MTREX: variants seen among roughly 807,000 people sequenced by gnomAD.
The protein encoded by MTREX is Mtr4 exosome RNA helicase, also known as exosome RNA helicase MTR4.
MTREX carries 76 observed loss-of-function variants against 135.4 expected under a neutral mutation model. That is an observed-to-expected ratio of 0.56 (90% CI 0.47 to 0.68). The LOEUF is 0.68. Ranked by LOEUF, MTREX falls within the 30% of genes least tolerant of loss-of-function variation. The pLI is 0.00. For missense variants in MTREX, 920 were observed against 1,262.1 expected (o/e 0.73, Z 4.11); for synonymous variants, 404 against 401.6 (o/e 1.01, Z -0.07).
intron 25 of MTREX, among the ~76,000 whole-genome samples, chr5:55,417,235 A>T (rs1750979395): frequency 6.6e-6 from 1 of 152,196 alleles, no homozygotes; most frequent in Non-Finnish European, 1.5e-5. Context: ...TTACTGGGAA[A>T]GTCATTGCCC....
chr5:55,309,508 GAA>G (rs1285103304), intron 1 of MTREX, among the ~76,000 whole-genome samples: 2 of 151,970 alleles, frequency 1.3e-5, no homozygotes, highest in Non-Finnish European at 2.9e-5. Flanking sequence ...ACATGTTAAG[GAA>G]AAAATGGACA....
chr5:55,397,800 G>T (rs230797), intron 20 of MTREX, among the ~76,000 whole-genome samples: 130,879 of 152,248 alleles, frequency 0.86, 56,653 homozygotes, highest in South Asian at 0.92. Context: ...GCTATAGACT[G>T]TATTACAAGT....
At chr5:55,382,270 A>G (rs1194976214) in intron 18 of MTREX, among the ~76,000 whole-genome samples, 1 of 151,818 alleles carries the variant, frequency 6.6e-6, no homozygotes, top group Non-Finnish European at 1.5e-5. Flanking sequence ...ATTTTTTCTA[A>G]TGTGGCATTT....
chr5:55,418,233 C>CA (rs11446735), intron 25 of MTREX, among the ~76,000 whole-genome samples: 106,009 of 124,418 alleles, frequency 0.85, 44,948 homozygotes, highest in South Asian at 0.9. Flanking sequence ...GACACCATCT[C>CA]AAAAAAAAAA....
At chr5:55,310,729 A>G (rs562144119) in intron 1 of MTREX, among the ~76,000 whole-genome samples, 1 of 152,320 alleles carries the variant, frequency 6.6e-6, no homozygotes, top group South Asian at 2.1e-4. Context: ...CTTCAGAGGA[A>G]CTTGCCCTTT....
chr5:55,414,674 A>T (rs1301730197), intron 24 of MTREX, among the ~76,000 whole-genome samples: 2 of 152,134 alleles, frequency 1.3e-5, no homozygotes, highest in Admixed American at 1.3e-4. Context: ...TTTGAGACAG[A>T]GTCTCGCTCT....
chr5:55,374,952 C>T (rs1393517253), intron 16 of MTREX, among the ~76,000 whole-genome samples: 1 of 152,094 alleles, frequency 6.6e-6, no homozygotes, highest in Non-Finnish European at 1.5e-5. Context: ...TAAAGCCGGG[C>T]GTCCAGGGGA....
intron 16 of MTREX, among the ~76,000 whole-genome samples, chr5:55,378,027 T>C (rs1265987725): frequency 6.6e-6 from 1 of 151,208 alleles, no homozygotes; most frequent in East Asian, 1.9e-4. Context: ...AATGGGCAGA[T>C]CTTGCTGGGT....
intron 15 of MTREX, among the ~76,000 whole-genome samples, chr5:55,359,552 G>A (rs1378479520): frequency 1.3e-5 from 2 of 151,192 alleles, no homozygotes; most frequent in African/African-American, 4.9e-5. Flanking sequence ...ATCTTTATAT[G>A]TCTTTACATG....
At chr5:55,390,988 A>G (rs1462304898) in intron 19 of MTREX, among the ~76,000 whole-genome samples, 2 of 151,952 alleles carry the variant, frequency 1.3e-5, no homozygotes, top group African/African-American at 2.4e-5. Context: ...TCCTCAGGAT[A>G]TTTTCTATTA....
At chr5:55,329,635 A>G (rs984600021) in intron 5 of MTREX, among the ~76,000 whole-genome samples, 1 of 152,146 alleles carries the variant, frequency 6.6e-6, no homozygotes, top group Non-Finnish European at 1.5e-5. Context: ...TGTATGTCTG[A>G]AAATCTTTTA....
chr5:55,322,547 A>G, intron 2 of MTREX, 83 bp downstream of exon 2: 1 of 988,668 alleles, frequency 1.0e-6, no homozygotes, highest in Non-Finnish European at 1.5e-6. Flanking sequence ...CCATGTTGCT[A>G]CTTAGATATA....
At position 55,346,961 on chromosome 5, in the gene MTREX, A is replaced by T. The variant is rs1749749399; in HGVS notation, c.1109-52A>T. On this transcript the variant is annotated intron_variant, in intron 10 of 26. Transcript: ENST00000230640. ...TTATAGTTTTAGCTTTTAAATTTAG[A>T]TCTGTGATCTATTTTGAGTTAATTT... 3 of 1,427,564 alleles carry T rather than the reference A, an allele frequency of 2.1e-6. No homozygotes were observed. The Admixed American group carries it at 7.2e-5, about 34-fold the overall frequency. The allele number at this position is 1,427,564 out of a possible 1,614,324, so 88.4% of individuals were successfully genotyped here.
Position 55,410,892 on chromosome 5 carries a change from T to C in MTREX, c.2751+263T>C, listed in dbSNP as rs558581815. 1.2e-4 allele frequency among the ~76,000 whole-genome samples: 18 copies of C among 152,310 alleles called. No individual in the cohort carries two copies. The South Asian group carries it at 3.3e-3, about 28-fold the overall frequency. On this transcript the variant is annotated intron_variant, in intron 23 of 26. Transcript: ENST00000230640. The stretch of plus-strand genomic sequence containing the variant: ...TAAATTTGTTCTGTAACCCAATTCA[T>C]TGAACATTTGGCCAAGTCCTAGACA...
chr5:55,343,288 T>C, intron 7 of MTREX, 43 bp from the exon 8 acceptor site: 1 of 1,533,722 alleles, frequency 6.5e-7, no homozygotes, highest in Non-Finnish European at 8.9e-7. Flanking sequence ...AGAGTGACAC[T>C]GTAGTCCAAC....
intron 18 of MTREX, among the ~76,000 whole-genome samples, chr5:55,385,103 C>A (rs1386990221): frequency 6.6e-6 from 1 of 152,138 alleles, no homozygotes; most frequent in African/African-American, 2.4e-5. Flanking sequence ...TGTTTTAAGG[C>A]ATATTTCTTC....
chr5:55,408,765 A>G (rs1750843496), intron 22 of MTREX, among the ~76,000 whole-genome samples: 1 of 152,082 alleles, frequency 6.6e-6, no homozygotes, highest in Non-Finnish European at 1.5e-5. Flanking sequence ...AAATAAGTGA[A>G]GATATTTTGC....
At chr5:55,365,055 A>G (rs10038087) in intron 15 of MTREX, among the ~76,000 whole-genome samples, 19,854 of 152,230 alleles carry the variant, frequency 0.13, 1,547 homozygotes, top group East Asian at 0.26. Flanking sequence ...TCAAAAAGCC[A>G]TGTTGAGTTT....
chr5:55,365,419 T>A (rs1042153768), intron 15 of MTREX, among the ~76,000 whole-genome samples: 2 of 152,184 alleles, frequency 1.3e-5, no homozygotes, highest in African/African-American at 4.8e-5. Flanking sequence ...ATATCCTTAC[T>A]TGAGACACAG....
Sources: allele counts gnomAD v4.1 joint callset (sites outside exome capture counted in the v4.1 genomes callset), GRCh38; gene constraint gnomAD v4.1.1; transcripts MANE v1.5; gene names NCBI Gene and HGNC (gene_info 2026-07-23, HGNC 2026-07-21).